CDH6: variants seen among roughly 807,000 people sequenced by gnomAD.
The protein encoded by CDH6 is cadherin-6.
In CDH6, 31 loss-of-function variants were observed where a neutral mutation model predicts 78.0. The ratio of observed to expected loss-of-function variants is 0.40; its 90% CI spans 0.30 to 0.54. The LOEUF is 0.54. Among genes scored for constraint, CDH6 ranks in the 20% least tolerant of loss-of-function variants. CDH6 has a pLI of 0.56. For missense variants in CDH6, 724 were observed against 975.9 expected (o/e 0.74, Z 3.44); for synonymous variants, 376 against 368.8 (o/e 1.02, Z -0.23).
At chr5:31,248,259 T>A (rs556732667) in intron 1 of CDH6, among the ~76,000 whole-genome samples, 5 of 152,186 alleles carry the variant, frequency 3.3e-5, no homozygotes, top group Non-Finnish European at 7.4e-5. Context: ...GTATTGGAAA[T>A]AACTTTTCTG....
At chr5:31,241,600 AGAT>A (rs1366954247) in intron 1 of CDH6, among the ~76,000 whole-genome samples, 1 of 152,258 alleles carries the variant, frequency 6.6e-6, no homozygotes, top group African/African-American at 2.4e-5. Context: ...GTCCTTGGTC[AGAT>A]GATGATGACT....
At chr5:31,315,234 T>C (rs1030154678) in intron 8 of CDH6, among the ~76,000 whole-genome samples, 2 of 152,228 alleles carry the variant, frequency 1.3e-5, no homozygotes, top group African/African-American at 2.4e-5. Context: ...TGACACATTA[T>C]ATATTTATGA....
intron 2 of CDH6, among the ~76,000 whole-genome samples, chr5:31,267,941 C>A (rs56851704): frequency 1.2e-3 from 177 of 152,188 alleles, no homozygotes; most frequent in African/African-American, 4.1e-3. Flanking sequence ...CACAACCATC[C>A]GCATAGGATT....
chr5:31,316,150 A>G lies in CDH6; in HGVS notation c.1391-58A>G, dbSNP rs906399262. 16 of 1,564,726 alleles carry G rather than the reference A, an allele frequency of 1.0e-5. No homozygotes were observed. The Admixed American group carries it at 3.1e-4, about 30-fold the overall frequency. ...TGAAGGAGTTGAGCGGATGTTGTCT[A>G]AAGGGAATCGGCAATCAACATGTAA... is the stretch of plus-strand genomic sequence containing the variant. On this transcript the variant is annotated intron_variant, in intron 8 of 11. Transcript: ENST00000265071.
rs537944995 is a variant in CDH6 at position 31,302,221 on chromosome 5, A to G, written c.922A>G (p.Thr308Ala). The G allele has an allele frequency of 1.6e-4, 266 of 1,614,004 alleles. 3 individuals are homozygous for G. The South Asian group carries it at 2.6e-3, about 16-fold the overall frequency. ...AAATGCTGAAATTGAGTACAGCATCACAGACGGTGAGGGGCTGGATATGTT... is the reference window on the plus strand; with the variant it reads ...AAATGCTGAAATTGAGTACAGCATCGCAGACGGTGAGGGGCTGGATATGTT... ...GENAEIEYSI[T>A]DGEGLDMFDV... The change falls in exon 6 of 12, where the codon ACA becomes GCA. Residue 308 changes from threonine to alanine, a missense_variant. Thr to Ala is a moderately conservative substitution (Grantham distance 58). Around this residue, in one of 3 missense-constraint regions of CDH6, gnomAD observed 446 missense variants for 684.5 expected, o/e 0.65. Transcript: ENST00000265071.
intron 1 of CDH6, among the ~76,000 whole-genome samples, chr5:31,233,665 T>C (rs1741377391): frequency 6.6e-6 from 1 of 152,222 alleles, no homozygotes. Flanking sequence ...TTCTTTCCTG[T>C]GTGGCTACGA....
In CDH6 at chr5:31,255,273, A is replaced by G. The variant is rs568602786; in HGVS notation, c.-128-12073A>G. ...CCATTGTTTATAATTACACAAGCGC[A>G]CTGTGACGGTGCCGTCGTTAAATTA... On this transcript the variant is annotated intron_variant, in intron 1 of 11. Coordinates refer to ENST00000265071, the MANE Select transcript of CDH6 (RefSeq NM_004932.4). 2.0e-5 allele frequency among the ~76,000 whole-genome samples: 3 copies of G among 152,376 alleles called. No homozygotes were observed. In the South Asian group the frequency reaches 6.2e-4, roughly 32 times the overall value.
chr5:31,239,220 G>A (rs1019839432), intron 1 of CDH6, among the ~76,000 whole-genome samples: 3 of 152,208 alleles, frequency 2.0e-5, no homozygotes, highest in Non-Finnish European at 4.4e-5. Context: ...AGAGGATATT[G>A]TGTCCAGCCT....
chr5:31,235,236 CTTTTTT>C (rs543675071), intron 1 of CDH6, among the ~76,000 whole-genome samples: 61 of 110,644 alleles, frequency 5.5e-4, no homozygotes, highest in Non-Finnish European at 8.1e-4. Flanking sequence ...ATTCCTTTTT[CTTTTTT>C]TTTTTTTTTT....
At chr5:31,251,179 G>A (rs1741898366) in intron 1 of CDH6, 1 of 152,218 alleles carries the variant, frequency 6.6e-6, no homozygotes, top group Admixed American at 6.5e-5. Context: ...AACCCAAAGG[G>A]AGCATTTTGA....
chr5:31,275,402 C>T (rs538801024), intron 2 of CDH6, among the ~76,000 whole-genome samples: 4 of 152,126 alleles, frequency 2.6e-5, no homozygotes, highest in African/African-American at 7.2e-5. Flanking sequence ...GCCATCCTTA[C>T]GTCCATGAGT....
At chr5:31,287,423 G>A (rs771051721) in intron 2 of CDH6, among the ~76,000 whole-genome samples, 10 of 152,156 alleles carry the variant, frequency 6.6e-5, no homozygotes, top group Non-Finnish European at 1.5e-4. Flanking sequence ...ATGAATTCAA[G>A]AGTAATTTAT....
chr5:31,202,307 AAGAG>A (rs1228210382), intron 1 of CDH6, among the ~76,000 whole-genome samples: 1 of 152,224 alleles, frequency 6.6e-6, no homozygotes, highest in African/African-American at 2.4e-5. Context: ...TTAAAAAAGA[AAGAG>A]AGTCTCATTA....
Position 31,230,992 on chromosome 5 carries a change from CT to C in CDH6, c.-128-36350del, listed in dbSNP as rs989146017. Among the ~76,000 whole-genome samples, 4 of 152,132 alleles carry C rather than the reference CT, an allele frequency of 2.6e-5. No homozygotes were observed. The East Asian group carries it at 7.7e-4, about 29-fold the overall frequency. ...AAATATGCAGGAAACACAATATGCT[CT>C]TTTAAATATTCTTCTAATCACATGA... On this transcript the variant is annotated intron_variant, in intron 1 of 11. Transcript: ENST00000265071.
intron 2 of CDH6, among the ~76,000 whole-genome samples, chr5:31,280,932 T>C (rs1400096501): frequency 4.0e-5 from 6 of 151,580 alleles, no homozygotes; most frequent in Admixed American, 3.3e-4. Flanking sequence ...ATAAATGAGC[T>C]CATTATCTTC....
chr5:31,305,381 G>A lies in CDH6; in HGVS notation c.1207G>A (p.Gly403Ser), dbSNP rs774040132. The A allele has an allele frequency of 1.2e-6, 2 of 1,614,072 alleles. No individual in the cohort carries two copies. Among genetic ancestry groups the A allele is most frequent in the East Asian group, 2.2e-5 (1 of 44,880 alleles). Residue 403 changes from glycine to serine, a missense_variant, in exon 7 of 12, where the codon GGC becomes AGC. Physicochemically the swap from Gly to Ser is moderately conservative, Grantham distance 56. Coordinates refer to ENST00000265071, the MANE Select transcript of CDH6 (RefSeq NM_004932.4). ...AGATGCTCAGATAAACACCACAATA[G>A]GCTCCGTCACAGCCCAAGATCCAGA... ...REDAQINTTI[G>S]SVTAQDPDAA...
At chr5:31,302,945 AAG>A (rs772541509) in intron 6 of CDH6, among the ~76,000 whole-genome samples, 1 of 131,864 alleles carries the variant, frequency 7.6e-6, no homozygotes, top group African/African-American at 2.6e-5. Flanking sequence ...GAAAGAAAGA[AAG>A]AAAGAAAGAA....
intron 1 of CDH6, among the ~76,000 whole-genome samples, chr5:31,204,040 C>T (rs1175898858): frequency 6.6e-6 from 1 of 152,198 alleles, no homozygotes; most frequent in Non-Finnish European, 1.5e-5. Context: ...AGTGCCTGCT[C>T]AGCCATAACT....
intron 1 of CDH6, among the ~76,000 whole-genome samples, chr5:31,238,944 A>G (rs60431112): frequency 6.6e-6 from 1 of 152,356 alleles, no homozygotes; most frequent in African/African-American, 2.4e-5. Flanking sequence ...TTTAGGAAAA[A>G]GTAACACACT....
Sources: gnomAD v4.1 joint callset for allele counts (sites outside exome capture counted in the v4.1 genomes callset) on GRCh38, gnomAD v4.1.1 for gene constraint, gnomAD v4.1.1 regional missense constraint, MANE v1.5 for transcripts, NCBI Gene and HGNC (gene_info 2026-07-23, HGNC 2026-07-21) for gene names.